The following CEP295 variants were observed in gnomAD, a reference collection of about 807,000 sequenced individuals.
CEP295 encodes centrosomal protein of 295 kDa.
In CEP295, 190 loss-of-function variants were observed where a neutral mutation model predicts 291.6. The observed-to-expected ratio is 0.65, with a 90% CI of 0.58 to 0.73. CEP295 has a LOEUF of 0.73. Among genes scored for constraint, CEP295 ranks in the 30% least tolerant of loss-of-function variants. The pLI, the probability that CEP295 is intolerant of heterozygous loss-of-function variation, is 0.00. For missense variants in CEP295, 2,863 were observed against 2,949.4 expected, an observed-to-expected ratio of 0.97 and a Z score of 0.68; for synonymous variants, 993 against 1,038.8, an observed-to-expected ratio of 0.96 and a Z score of 0.85.
chr11:93,670,583 G>A (rs1315910808), intron 5 of CEP295, among the ~76,000 whole-genome samples: 1 of 152,060 alleles, frequency 6.6e-6, no homozygotes, highest in Non-Finnish European at 1.5e-5. Context: ...ATAAGCATAA[G>A]TACCAGATAC....
chr11:93,706,639 G>A (rs1952526812), intron 17 of CEP295, 106 bp from the exon 18 acceptor site: 2 of 919,766 alleles, frequency 2.2e-6, no homozygotes, highest in East Asian at 5.4e-5. Context: ...GCTATATACA[G>A]TAAGTCTTTA....
At chr11:93,679,668 C>G (rs1950867933) in intron 7 of CEP295, 116 bp downstream of exon 7, 1 of 753,006 alleles carries the variant, frequency 1.3e-6, no homozygotes. Context: ...AATATAGTCT[C>G]TGATTCATAT....
At chr11:93,695,724 T>C in intron 13 of CEP295, 90 bp downstream of exon 13, 3 of 1,408,998 alleles carry the variant, frequency 2.1e-6, no homozygotes, top group East Asian at 2.9e-5. Context: ...AAAAGTAAAA[T>C]GGATGGCTGG....
rs1178543429 is a variant in CEP295, at chr11:93,697,506, A to G, written c.2594A>G (p.Gln865Arg). 1.3e-6 allele frequency: 2 copies of G among 1,551,898 alleles called. No homozygotes were observed. The highest frequency in any genetic ancestry group is 1.2e-5 in the South Asian group (1 of 84,064). The change falls in exon 15 of 30, where the codon CAG becomes CGG. Residue 865 changes from glutamine to arginine, a missense_variant. This residue lies in a region of CEP295 where 2,295 missense variants were observed against 2,335.7 expected (regional missense o/e 0.98). Transcript: ENST00000325212. ...DLQKKVLQAT[Q>R]EAQEQLLLCK... is the part of the protein sequence containing the mutation. ...CAGAAGAAAGTTCTTCAGGCAACTC[A>G]GGAAGCTCAGGAACAGTTGCTTTTG...
In CEP295 at chr11:93,730,304, G is replaced by T; in HGVS notation, c.*35G>T. The T allele has an allele frequency of 7.1e-7, 1 of 1,404,216 alleles. No homozygotes were observed. Among genetic ancestry groups the T allele is most frequent in the Non-Finnish European group, 9.8e-7 (1 of 1,016,210 alleles). 87.0% of individuals were successfully genotyped at this position (1,404,216 alleles called of 1,614,324 possible). A position where few individuals can be genotyped will look rare whatever the true frequency, so the allele number is the denominator to read the frequency against. On this transcript the variant is annotated 3_prime_UTR_variant, in exon 30 of 30. Transcript: ENST00000325212. Reference sequence around the variant, plus strand: ...AATAGTGTAAAGGTTTTTTAATTGTGTATATGTAGCATTAGACAAAATTAT... The same window carrying T: ...AATAGTGTAAAGGTTTTTTAATTGTTTATATGTAGCATTAGACAAAATTAT...
At chr11:93,663,957 GCTT>G (rs1950101830) in intron 1 of CEP295, among the ~76,000 whole-genome samples, 1 of 152,088 alleles carries the variant, frequency 6.6e-6, no homozygotes, top group Non-Finnish European at 1.5e-5. Flanking sequence ...ACCCCAGCAA[GCTT>G]CTTTGTGCCA....
chr11:93,698,852 C>A lies in CEP295; in HGVS notation c.3940C>A (p.Pro1314Thr), dbSNP rs375928914. ...AGCTGAGTCTGGCACAATCCTGGAA[C>A]CTCTTTTTACAGAGAGTGAAAGTAA... is the stretch of plus-strand genomic sequence containing the variant. Reference protein sequence around the residue: ...ASAESGTILEPLFTESESKIF... With the variant: ...ASAESGTILETLFTESESKIF... Residue 1314 changes from proline to threonine, a missense_variant, in exon 15 of 30, where the codon CCT becomes ACT. By Grantham distance (38) the Pro-to-Thr change is conservative. This residue lies in a region of CEP295 where 2,295 missense variants were observed against 2,335.7 expected (regional missense o/e 0.98). Coordinates refer to ENST00000325212, the MANE Select transcript of CEP295 (RefSeq NM_033395.2). 9.7e-5 allele frequency: 150 copies of A among 1,551,708 alleles called. No individual in the cohort carries two copies. The East Asian group carries it at 1.7e-3, about 17-fold the overall frequency.
rs1951840416 is a variant in CEP295, at chr11:93,696,302, A to T, written c.1672-18A>T. The T allele has an allele frequency of 4.7e-6, 7 of 1,488,106 alleles. No homozygotes were observed. Among genetic ancestry groups the T allele is most frequent in the Non-Finnish European group, 6.4e-6 (7 of 1,095,780 alleles). 92.2% of individuals were successfully genotyped at this position (1,488,106 alleles called of 1,614,324 possible). ...CTTCTAAATTTGCTTTTTAATTAGTAACTTTGTCTTTTATTAGGTTGGCAT... is the reference window on the plus strand; with the variant it reads ...CTTCTAAATTTGCTTTTTAATTAGTTACTTTGTCTTTTATTAGGTTGGCAT... On this transcript the variant is annotated intron_variant, in intron 13 of 29. Coordinates refer to ENST00000325212, the MANE Select transcript of CEP295 (RefSeq NM_033395.2).
At chr11:93,679,603 A>G in intron 7 of CEP295, 51 bp downstream of exon 7, 1 of 1,473,690 alleles carries the variant, frequency 6.8e-7, no homozygotes, top group East Asian at 2.5e-5. Context: ...TACTAATAGC[A>G]TTGCAGGACT....
At position 93,697,800 on chromosome 11, in the gene CEP295, G is replaced by T. The variant is rs546770232; in HGVS notation, c.2888G>T (p.Ser963Ile). The T allele has an allele frequency of 2.6e-6, 4 of 1,551,744 alleles. No individual in the cohort carries two copies. Among genetic ancestry groups the T allele is most frequent in the Admixed American group, 2.0e-5 (1 of 51,014 alleles). ...GAGCAGTTGAATATTCAGAAGGATA[G>T]CCTTCAGGCTAGGCGAGAAGCCCAG... ...LQEQLNIQKD[S>I]LQARREAQEV... Residue 963 changes from serine to isoleucine, a missense_variant, in exon 15 of 30, where the codon AGC becomes ATC. By Grantham distance (142) the Ser-to-Ile change is moderately radical. Coordinates refer to ENST00000325212, the MANE Select transcript of CEP295 (RefSeq NM_033395.2).
chr11:93,664,658 C>T (rs116446622), intron 1 of CEP295, among the ~76,000 whole-genome samples: 1,575 of 152,220 alleles, frequency 0.01, 15 homozygotes, highest in Non-Finnish European at 0.018. Context: ...TACCTATGGG[C>T]GAGACACTGT....
intron 7 of CEP295, among the ~76,000 whole-genome samples, chr11:93,681,525 C>T (rs1950964547): frequency 7.0e-6 from 1 of 141,856 alleles, no homozygotes; most frequent in African/African-American, 2.6e-5. Flanking sequence ...AAATGACTCT[C>T]CTGCCTTGGC....
chr11:93,717,414 C>T (rs1489595930), intron 18 of CEP295, among the ~76,000 whole-genome samples: 1 of 152,154 alleles, frequency 6.6e-6, no homozygotes, highest in South Asian at 2.1e-4. Context: ...TGGGCAACCA[C>T]GAGGCATCTC....
In CEP295 at chr11:93,727,340, G is replaced by A. The variant is rs1464273620; in HGVS notation, c.6864G>A (p.Gly2288=). 5 of 1,551,230 alleles carry A rather than the reference G, an allele frequency of 3.2e-6. No homozygotes were observed. The Admixed American group carries it at 7.9e-5, about 24-fold the overall frequency. Residue 2288 remains glycine (G), a synonymous_variant, in exon 24 of 30, where the codon GGG becomes GGA. Coordinates refer to ENST00000325212, the MANE Select transcript of CEP295 (RefSeq NM_033395.2). ...SMGFEELSKR[G]VVTMLQSQGL... ...GCTTTGAAGAACTATCAAAAAGAGG[G>A]GTTGTTACAATGTTACAAAGTCAAG...
intron 18 of CEP295, among the ~76,000 whole-genome samples, chr11:93,711,753 C>T (rs974629281): frequency 1.3e-4 from 20 of 152,020 alleles, no homozygotes; most frequent in African/African-American, 2.7e-4. Context: ...ACAAGTGATC[C>T]GCCCACCTCA....
At position 93,666,694 on chromosome 11, in the gene CEP295, TA is replaced by T; in HGVS notation, c.-11del. On this transcript the variant is annotated 5_prime_UTR_variant, in exon 2 of 30. Coordinates refer to ENST00000325212, the MANE Select transcript of CEP295 (RefSeq NM_033395.2). The stretch of plus-strand genomic sequence containing the variant: ...TTTTTGAATTCAGAACTGTCATACA[TA>T]AAGTACACAGAAATGAAGAGAAAAG... The T allele has an allele frequency of 7.3e-7, 1 of 1,370,146 alleles. No homozygotes were observed. The allele number at this position is 1,370,146 out of a possible 1,614,324, so 84.9% of individuals were successfully genotyped here. A position where few individuals can be genotyped will look rare whatever the true frequency, so the allele number is the denominator to read the frequency against.
At chr11:93,665,164 T>C (rs1343436832) in intron 1 of CEP295, among the ~76,000 whole-genome samples, 1 of 152,184 alleles carries the variant, frequency 6.6e-6, no homozygotes, top group Non-Finnish European at 1.5e-5. Context: ...GCCTGGTCAT[T>C]GTGAGGGAGA....
intron 28 of CEP295, 25 bp downstream of exon 28, chr11:93,729,994 T>G: frequency 6.7e-7 from 1 of 1,492,368 alleles, no homozygotes. Flanking sequence ...TTTTTTTTTT[T>G]TAGTGATTCA....
intron 24 of CEP295, 105 bp downstream of exon 24, chr11:93,727,742 GAACTCA>G (rs1954266057): frequency 2.2e-6 from 2 of 889,702 alleles, no homozygotes; most frequent in Non-Finnish European, 3.4e-6. Context: ...TACCCAGGCT[GAACTCA>G]AACTCCTAGG....
Sources: allele counts gnomAD v4.1 joint callset (sites outside exome capture counted in the v4.1 genomes callset), GRCh38; gene constraint gnomAD v4.1.1; regional missense constraint gnomAD v4.1.1; transcripts MANE v1.5; gene names NCBI Gene and HGNC (gene_info 2026-07-23, HGNC 2026-07-21).